AMZ1: variants seen among roughly 807,000 people sequenced by gnomAD.
AMZ1 encodes archaelysin family metallopeptidase 1, also known as archaemetzincin-1.
In AMZ1, 39 loss-of-function variants were observed where a neutral mutation model predicts 29.9. The ratio of observed to expected loss-of-function variants is 1.30; its 90% CI spans 1.01 to 1.70. The LOEUF is 1.70. AMZ1 is among the 40% of genes most tolerant of loss of function. The pLI, the probability that AMZ1 is intolerant of heterozygous loss-of-function variation, is 0.00. For missense variants in AMZ1, 1,041 were observed against 680.6 expected (o/e 1.53, Z -5.89); for synonymous variants, 458 against 304.0 (o/e 1.51, Z -5.27).
Position 2,759,188 on chromosome 7 carries a change from T to TAAATAAAA in AMZ1, n.551-5521_551-5520insTAAAAAAA, listed in dbSNP as rs1554257559. Among the ~76,000 whole-genome samples, 11 of 144,626 alleles carry TAAATAAAA rather than the reference T, an allele frequency of 7.6e-5. No individual in the cohort carries two copies. In the East Asian group the frequency reaches 1.6e-3, roughly 21 times the overall value. The allele number at this position is 144,626 out of a possible 152,430, so 94.9% of individuals were successfully genotyped here. A position where few individuals can be genotyped will look rare whatever the true frequency, so the allele number is the denominator to read the frequency against. On this transcript the variant is annotated intron_variant and non_coding_transcript_variant, in intron 4 of 4. Coordinates refer to the AMZ1 transcript ENST00000489665. ...ATAAATAAATAAATAAATAAATAAA[T>TAAATAAAA]AAAATAAAAATAAAAACCCCATGAT...
chr7:2,723,623 G>GC (rs2115250489), downstream of AMZ1, among the ~76,000 whole-genome samples: 1 of 152,314 alleles, frequency 6.6e-6, no homozygotes, highest in Non-Finnish European at 1.5e-5. Flanking sequence ...AGCCCTGCAT[G>GC]CCCCCTCGGC....
chr7:2,689,855 G>A (rs970306987), intron 1 of AMZ1, among the ~76,000 whole-genome samples: 1 of 152,144 alleles, frequency 6.6e-6, no homozygotes, highest in Non-Finnish European at 1.5e-5. Context: ...AGGGTGCTGC[G>A]AAGCTGACCC....
At chr7:2,705,304 C>T (rs1238953227) in intron 3 of AMZ1, among the ~76,000 whole-genome samples, 1 of 152,188 alleles carries the variant, frequency 6.6e-6, no homozygotes, top group Non-Finnish European at 1.5e-5. Context: ...CCTGCCCACT[C>T]CCCCACCCCA....
At chr7:2,696,274 T>TTTG in intron 1 of AMZ1, among the ~76,000 whole-genome samples, 1 of 149,012 alleles carries the variant, frequency 6.7e-6, no homozygotes, top group Non-Finnish European at 1.5e-5. Context: ...TTTTTTTTTT[T>TTTG]GAGATGGAGT....
intron 4 of AMZ1, chr7:2,728,251 C>T (rs969638194): frequency 6.6e-6 from 1 of 152,302 alleles, no homozygotes; most frequent in Non-Finnish European, 1.5e-5. Context: ...ACTACCATTC[C>T]AATGGGAGCC....
At chr7:2,703,630 A>G (rs1357525606) in intron 3 of AMZ1, among the ~76,000 whole-genome samples, 1 of 152,138 alleles carries the variant, frequency 6.6e-6, no homozygotes, top group Non-Finnish European at 1.5e-5. Flanking sequence ...TAGGAAACCT[A>G]GACTCAAGTT....
chr7:2,735,637 G>A (rs1439883562), intron 4 of AMZ1, among the ~76,000 whole-genome samples: 35 of 152,334 alleles, frequency 2.3e-4, no homozygotes, highest in Non-Finnish European at 5.9e-5. Context: ...AACACTCACT[G>A]CTGCTTTCTC....
In AMZ1 at chr7:2,714,031, C is replaced by T. The variant is rs1348654548; in HGVS notation, c.*1153C>T. 6.6e-6 allele frequency: 1 copy of T among 152,184 alleles called. No homozygotes were observed. Among genetic ancestry groups the T allele is most frequent in the Non-Finnish European group, 1.5e-5 (1 of 68,076 alleles). The allele number at this position is 152,184 out of a possible 1,614,324, so 9.4% of individuals were successfully genotyped here. A position where few individuals can be genotyped will look rare whatever the true frequency, so the allele number is the denominator to read the frequency against. ...ATTTTGCTTCCTGCACTTTGAAGCT[C>T]CTTTACGTCCCTGCACATTTGATTG... is the stretch of plus-strand genomic sequence containing the variant. On this transcript the variant is annotated 3_prime_UTR_variant, in exon 7 of 7. Transcript: ENST00000683327.
At chr7:2,693,976 G>A (rs1209506470) in intron 1 of AMZ1, among the ~76,000 whole-genome samples, 1 of 152,180 alleles carries the variant, frequency 6.6e-6, no homozygotes, top group Non-Finnish European at 1.5e-5. Flanking sequence ...AGGGACCTCT[G>A]TTTTGTCCAC....
chr7:2,749,477 C>G (rs1009217215), intron 4 of AMZ1, among the ~76,000 whole-genome samples: 3 of 123,704 alleles, frequency 2.4e-5, no homozygotes, highest in Non-Finnish European at 3.1e-5. Context: ...CACATGGACA[C>G]GGGAAGGGGA....
intron 3 of AMZ1, among the ~76,000 whole-genome samples, chr7:2,704,276 G>C (rs1174060982): frequency 6.6e-6 from 1 of 152,186 alleles, no homozygotes; most frequent in Non-Finnish European, 1.5e-5. Context: ...GCTGAGGTGG[G>C]AGGATAGCTT....
intron 4 of AMZ1, among the ~76,000 whole-genome samples, chr7:2,735,345 G>A (rs926487448): frequency 3.3e-5 from 5 of 152,230 alleles, no homozygotes; most frequent in Admixed American, 2.0e-4. Context: ...AGGCACGAAG[G>A]AAGCAGAGGC....
At chr7:2,758,960 T>C (rs1791428506) in intron 4 of AMZ1, among the ~76,000 whole-genome samples, 1 of 151,856 alleles carries the variant, frequency 6.6e-6, no homozygotes, top group Admixed American at 6.6e-5. Context: ...CCTGATATGG[T>C]GAAACACCGT....
At chr7:2,709,334 A>C (rs1788595565) in intron 5 of AMZ1, 90 bp downstream of exon 5, 7 of 1,292,782 alleles carry the variant, frequency 5.4e-6, no homozygotes, top group Middle Eastern at 2.8e-4. Flanking sequence ...CCCCATCCTC[A>C]CAGTGAAGTG....
chr7:2,749,112 A>G (rs979441474), intron 4 of AMZ1, among the ~76,000 whole-genome samples: 17 of 152,216 alleles, frequency 1.1e-4, no homozygotes, highest in Admixed American at 1.0e-3. Flanking sequence ...GCGATTCCTC[A>G]GGGATCTAGA....
chr7:2,718,609 C>T lies in AMZ1; in HGVS notation c.*5731C>T, dbSNP rs1175151985. On this transcript the variant is annotated 3_prime_UTR_variant, in exon 7 of 7. Transcript: ENST00000683327. The stretch of plus-strand genomic sequence containing the variant: ...GGGCAGTGTGGGGTCCAGTCTGAAG[C>T]CGACGCCCCTCTCGGTCAGGCTTTC... 6.6e-6 allele frequency among the ~76,000 whole-genome samples: 1 copy of T among 152,232 alleles called. No individual in the cohort carries two copies. Among genetic ancestry groups the T allele is most frequent in the East Asian group, 1.9e-4 (1 of 5,196 alleles).
chr7:2,762,897 C>A, upstream of AMZ1: 1 of 1,424,040 alleles, frequency 7.0e-7, no homozygotes, highest in African/African-American at 1.4e-5. Flanking sequence ...ATTGGTGCTG[C>A]GGCGGGGAGA....
intron 3 of AMZ1, among the ~76,000 whole-genome samples, chr7:2,706,161 G>T (rs1273296294): frequency 2.0e-5 from 3 of 152,190 alleles, no homozygotes; most frequent in Non-Finnish European, 4.4e-5. Flanking sequence ...GCATTTGTGG[G>T]GTCAGCTCAG....
chr7:2,754,090 G>T (rs897866163), intron 4 of AMZ1, among the ~76,000 whole-genome samples: 3 of 152,144 alleles, frequency 2.0e-5, no homozygotes, highest in East Asian at 3.8e-4. Context: ...CCCCACCAGT[G>T]ATGAATGAGA....
Sources: gnomAD v4.1 joint callset for allele counts (sites outside exome capture counted in the v4.1 genomes callset) on GRCh38, gnomAD v4.1.1 for gene constraint, MANE v1.5 for transcripts, NCBI Gene and HGNC (gene_info 2026-07-23, HGNC 2026-07-21) for gene names.